The following HIVEP1 variants were observed in gnomAD, a reference collection of about 807,000 sequenced individuals.
HIVEP1 encodes the protein HIVEP zinc finger 1.
Under a neutral mutation model 180.0 loss-of-function variants are expected in HIVEP1, and 36 were observed. The observed-to-expected ratio is 0.20, with a 90% CI of 0.15 to 0.26. The LOEUF is 0.26. Ranked by LOEUF, HIVEP1 falls within the 10% of genes least tolerant of loss-of-function variation. The probability of loss-of-function intolerance (pLI) is 1.00; values close to 1 mark genes in which losing one functional copy is unlikely to be tolerated. For missense variants in HIVEP1, 3,143 were observed against 3,268.7 expected (o/e 0.96, Z 0.94); for synonymous variants, 1,239 against 1,239.0 (o/e 1.00, Z 0.00).
intron 1 of HIVEP1, among the ~76,000 whole-genome samples, chr6:12,013,890 G>A (rs1767565908): frequency 6.6e-6 from 1 of 152,174 alleles, no homozygotes; most frequent in Non-Finnish European, 1.5e-5. Context: ...CTGACATACA[G>A]CCAGATCAGG....
At chr6:12,132,405 G>A (rs1758470223) in intron 6 of HIVEP1, among the ~76,000 whole-genome samples, 1 of 152,018 alleles carries the variant, frequency 6.6e-6, no homozygotes, top group African/African-American at 2.4e-5. Flanking sequence ...AGATACAATG[G>A]GAAATGGGTA....
At chr6:12,152,757 C>T (rs191868920) in intron 7 of HIVEP1, among the ~76,000 whole-genome samples, 1 of 152,260 alleles carries the variant, frequency 6.6e-6, no homozygotes, top group Non-Finnish European at 1.5e-5. Context: ...CCAGCCCCTC[C>T]TACATCCTCT....
In HIVEP1 at chr6:12,122,967, C is replaced by T; in HGVS notation, c.3172C>T (p.Leu1058Phe). 3.1e-6 allele frequency: 5 copies of T among 1,613,948 alleles called. No homozygotes were observed. Among genetic ancestry groups the T allele is most frequent in the Non-Finnish European group, 4.2e-6 (5 of 1,179,940 alleles). ...AACATCTCCAAAAAGTTCTGAAGGC[C>T]TTCAGTTTCAGAATGCTCTGGGCTG... ...SGTSPKSSEG[L>F]QFQNALGCNP... The change falls in exon 4 of 9, where the codon CTT becomes TTT. Residue 1058 changes from leucine to phenylalanine, a missense_variant. Leu to Phe is a conservative substitution (Grantham distance 22). Transcript: ENST00000379388.
At chr6:12,064,005 A>G (rs1202326970) in intron 2 of HIVEP1, among the ~76,000 whole-genome samples, 1 of 152,192 alleles carries the variant, frequency 6.6e-6, no homozygotes, top group African/African-American at 2.4e-5. Context: ...GGCAAGGAAC[A>G]TGCCTTGGTA....
the HIVEP1 span, among the ~76,000 whole-genome samples, chr6:12,180,007 G>C: frequency 6.6e-6 from 1 of 152,042 alleles, no homozygotes; most frequent in African/African-American, 2.4e-5. Context: ...TTTCAAATAA[G>C]CTTTATATCA....
intron 2 of HIVEP1, among the ~76,000 whole-genome samples, chr6:12,084,670 T>G (rs996369516): frequency 6.6e-6 from 1 of 152,140 alleles, no homozygotes; most frequent in Non-Finnish European, 1.5e-5. Flanking sequence ...TTACATATGG[T>G]GATCTTTTTT....
At position 12,122,035 on chromosome 6, in the gene HIVEP1, G is replaced by C. The variant is rs1451041533; in HGVS notation, c.2240G>C (p.Arg747Pro). 1.2e-6 allele frequency: 2 copies of C among 1,614,026 alleles called. No individual in the cohort carries two copies. Among genetic ancestry groups the C allele is most frequent in the Admixed American group, 3.3e-5 (2 of 60,006 alleles). Residue 747 changes from arginine to proline, a missense_variant, in exon 4 of 9, where the codon CGG (arginine) becomes CCG (proline). Physicochemically the swap from Arg to Pro is moderately radical, Grantham distance 103 (BLOSUM62 -2). This residue lies in a region of HIVEP1 where 32 missense variants were observed against 70.0 expected (regional missense o/e 0.46). Coordinates refer to ENST00000379388, the MANE Select transcript of HIVEP1 (RefSeq NM_002114.4). Reference sequence around the variant, plus strand: ...TTGGCCACAAAAACACTTGAGGAGCGGATATCGAAGCTTATCTCAGACAAT... The same window carrying C: ...TTGGCCACAAAAACACTTGAGGAGCCGATATCGAAGCTTATCTCAGACAAT... ...PPLATKTLEE[R>P]ISKLISDNEA...
chr6:12,023,253 G>A (rs551315680), intron 2 of HIVEP1, among the ~76,000 whole-genome samples: 1 of 152,282 alleles, frequency 6.6e-6, no homozygotes, highest in East Asian at 1.9e-4. Flanking sequence ...ATTTTACAAA[G>A]TCTACTACCA....
At chr6:12,009,488 A>G (rs1002963283), upstream of HIVEP1, among the ~76,000 whole-genome samples, 31 of 152,228 alleles carry the variant, frequency 2.0e-4, no homozygotes, top group Non-Finnish European at 3.8e-4. Flanking sequence ...GGGGGCAGAG[A>G]ATGGTCACTT....
upstream of HIVEP1, chr6:12,007,832 T>C (rs1767090355): frequency 6.6e-6 from 1 of 152,074 alleles, no homozygotes; most frequent in Non-Finnish European, 1.5e-5. Flanking sequence ...ATCATGTAAA[T>C]AACTGTATAA....
the HIVEP1 span, among the ~76,000 whole-genome samples, chr6:12,206,860 C>G: frequency 1.3e-5 from 2 of 151,318 alleles, no homozygotes; most frequent in Non-Finnish European, 2.9e-5. Context: ...AACCCTTTGC[C>G]CCAGGAGTGG....
intron 2 of HIVEP1, among the ~76,000 whole-genome samples, chr6:12,081,425 C>G (rs934797175): frequency 6.6e-6 from 1 of 152,136 alleles, no homozygotes; most frequent in Admixed American, 6.5e-5. Context: ...TCTCTTACCT[C>G]AATACAGTGG....
At position 12,161,845 on chromosome 6, in the gene HIVEP1, G is replaced by A. The variant is rs183400145; in HGVS notation, c.6894G>A (p.Pro2298=). ...TIPSVDTSRS[P]CHQMSVDYPE... ...CGTCTGTAGACACTTCCAGGTCCCC[G>A]TGTCATCAGATGTCTGTGGACTACC... The change falls in exon 8 of 9, where the codon CCG becomes CCA. Residue 2298 remains proline, a synonymous_variant. Coordinates refer to ENST00000379388, the MANE Select transcript of HIVEP1 (RefSeq NM_002114.4). 2.0e-4 allele frequency: 319 copies of A among 1,614,096 alleles called. 1 individual carries two copies. The highest frequency in any genetic ancestry group is 1.2e-3 in the African/African-American group (90 of 75,056).
chr6:12,173,620 G>A, the HIVEP1 span, among the ~76,000 whole-genome samples: 1 of 152,152 alleles, frequency 6.6e-6, no homozygotes. Flanking sequence ...ATGCAGACGT[G>A]AATAATTAGA....
At chr6:12,013,442 C>T (rs1482574248) in intron 1 of HIVEP1, among the ~76,000 whole-genome samples, 1 of 152,170 alleles carries the variant, frequency 6.6e-6, no homozygotes, top group East Asian at 1.9e-4. Context: ...ACCCACTTCC[C>T]CCCACAAGGA....
Position 12,163,974 on chromosome 6 carries a change from C to T in HIVEP1, c.7670C>T (p.Ser2557Leu). The part of the protein sequence containing the change: ...LNIALPTLIP[S>L]VSQVAVDAQG... ...ATAGCATTGCCCACCTTAATCCCCT[C>T]AGTCAGTCAAGTAGCCGTTGATGCA... Residue 2557 changes from serine (S) to leucine (L), a missense_variant, in exon 9 of 9, where the codon TCA becomes TTA. Around this residue, in one of 12 missense-constraint regions of HIVEP1, gnomAD observed 595 missense variants for 602.2 expected, o/e 0.99. Coordinates refer to ENST00000379388, the MANE Select transcript of HIVEP1 (RefSeq NM_002114.4). 2 of 1,614,114 alleles carry T rather than the reference C, an allele frequency of 1.2e-6. No homozygotes were observed. Among genetic ancestry groups the T allele is most frequent in the African/African-American group, 2.7e-5 (2 of 75,034 alleles).
the HIVEP1 span, among the ~76,000 whole-genome samples, chr6:12,184,785 C>T: frequency 1.3e-5 from 2 of 152,210 alleles, no homozygotes; most frequent in South Asian, 4.1e-4. Flanking sequence ...ATGCAATTGT[C>T]CCATAGAGTA....
chr6:12,154,192 T>G (rs1759878566), intron 7 of HIVEP1, among the ~76,000 whole-genome samples: 1 of 152,236 alleles, frequency 6.6e-6, no homozygotes, highest in African/African-American at 2.4e-5. Context: ...CATTTCCTTC[T>G]CTTCTTCACC....
In HIVEP1 at chr6:12,121,981, T is replaced by C; in HGVS notation, c.2186T>C (p.Leu729Ser). 1 of 1,614,176 alleles carries C rather than the reference T, an allele frequency of 6.2e-7. No homozygotes were observed. The highest frequency in any genetic ancestry group is 1.7e-5 in the Admixed American group (1 of 60,022). ...GCTTTGCCCACAGGGGAAAAGGCAT[T>C]GCTTTTACCAGGTCAGATGCGCCCA... Reference protein sequence around the residue: ...PSALPTGEKALLLPGQMRPPL... With the variant: ...PSALPTGEKASLLPGQMRPPL... Residue 729 changes from leucine to serine, a missense_variant, in exon 4 of 9, where the codon TTG becomes TCG. Physicochemically the swap from Leu to Ser is moderately radical, Grantham distance 145. Coordinates refer to ENST00000379388, the MANE Select transcript of HIVEP1 (RefSeq NM_002114.4). This position sits in a 1 kb window ranked among gnomAD's most constrained non-coding sequence, Gnocchi z 5.3.
Sources: gnomAD v4.1 joint callset for allele counts (sites outside exome capture counted in the v4.1 genomes callset) on GRCh38, gnomAD v4.1.1 for gene constraint, gnomAD v4.1.1 regional missense constraint, Gnocchi (gnomAD v3.1) non-coding constraint, MANE v1.5 for transcripts, NCBI Gene and HGNC (gene_info 2026-07-23, HGNC 2026-07-21) for gene names.